The following ANKRD16 variants were observed in gnomAD, a reference collection of about 807,000 sequenced individuals.
ANKRD16 encodes ankyrin repeat domain 16.
Under a neutral mutation model 37.9 loss-of-function variants are expected in ANKRD16, and 35 were observed. That is an observed-to-expected ratio of 0.92 (90% CI 0.71 to 1.23). The LOEUF (loss-of-function observed/expected upper bound fraction) is 1.23, where lower values mean the gene tolerates loss of function less well. Among genes scored for constraint, ANKRD16 ranks in the 50% most tolerant of loss-of-function variants. The pLI, the probability that ANKRD16 is intolerant of heterozygous loss-of-function variation, is 0.00. For missense variants in ANKRD16, 480 were observed against 469.9 expected (o/e 1.02, Z -0.20); for synonymous variants, 206 against 197.2 (o/e 1.04, Z -0.37).
At chr10:5,888,616 G>A (rs6602322) in intron 1 of ANKRD16, among the ~76,000 whole-genome samples, 78,169 of 152,168 alleles carry the variant, frequency 0.51, 21,885 homozygotes, top group African/African-American at 0.73. Context: ...CTACACACAC[G>A]AGCGCGTGTA....
intron 2 of ANKRD16, among the ~76,000 whole-genome samples, chr10:5,885,983 T>C (rs1842417257): frequency 6.6e-6 from 1 of 152,250 alleles, no homozygotes; most frequent in Non-Finnish European, 1.5e-5. Flanking sequence ...CAGCCAACAC[T>C]TGATTATCTT....
chr10:5,879,603 AT>A (rs1418989473), intron 6 of ANKRD16, among the ~76,000 whole-genome samples: 4 of 152,352 alleles, frequency 2.6e-5, no homozygotes, highest in Admixed American at 2.0e-4. Context: ...AATAAAAAAA[AT>A]CATAATGAAT....
chr10:5,862,779 G>A lies in ANKRD16; in HGVS notation c.*34-88C>T. 7.6e-6 allele frequency: 7 copies of A among 921,282 alleles called. No individual in the cohort carries two copies. Among genetic ancestry groups the A allele is most frequent in the Non-Finnish European group, 9.2e-6 (6 of 653,890 alleles). 57.1% of individuals were successfully genotyped at this position (921,282 alleles called of 1,614,324 possible). On this transcript the variant is annotated intron_variant, in intron 7 of 7. Transcript: ENST00000380094. The surrounding 1 kb of genome is among the most constrained non-coding windows in gnomAD (Gnocchi z 6.5). ...GCAGCTAGCACAAGGTCCCACAGCT[G>A]GACTCAGGGCTGCTGGCTACAGGGC...
rs1589011517 is a variant in ANKRD16, at chr10:5,864,774, GAAGGA to G, written c.*34-2088_*34-2084del. ...TAAACATCTGCTGATCTGTGTTCTA[GAAGGA>G]CAAAGGAGAATTAGGAAAAAGCCTG... On this transcript the variant is annotated intron_variant, in intron 7 of 7. Coordinates refer to ENST00000380094, the MANE Select transcript of ANKRD16 (RefSeq NM_019046.3). This position sits in a 1 kb window ranked among gnomAD's most constrained non-coding sequence, Gnocchi z 4.4. Among the ~76,000 whole-genome samples, 1 of 152,128 alleles carries G rather than the reference GAAGGA, an allele frequency of 6.6e-6. No individual in the cohort carries two copies. The highest frequency in any genetic ancestry group is 1.9e-4 in the East Asian group (1 of 5,198).
rs1258391814 is a variant in ANKRD16 at position 5,878,870 on chromosome 10, A to G, written c.929-583T>C. On this transcript the variant is annotated intron_variant, in intron 6 of 7. Coordinates refer to ENST00000380094, the MANE Select transcript of ANKRD16 (RefSeq NM_019046.3). The surrounding 1 kb of genome is among the most constrained non-coding windows in gnomAD (Gnocchi z 5.1). ...ACAAGATATAGGATACATCCTCTTC[A>G]TACGCCTGAATGCTCTGGAAACACA... 6.6e-6 allele frequency among the ~76,000 whole-genome samples: 1 copy of G among 152,204 alleles called. No individual in the cohort carries two copies. The highest frequency in any genetic ancestry group is 2.4e-5 in the African/African-American group (1 of 41,450).
At chr10:5,875,497 GA>G (rs896761712) in intron 7 of ANKRD16, among the ~76,000 whole-genome samples, 16 of 152,280 alleles carry the variant, frequency 1.1e-4, no homozygotes, top group African/African-American at 3.9e-4. Flanking sequence ...AAATGTTGAA[GA>G]AAAGGACACA....
rs912933367 is a variant in ANKRD16, at chr10:5,866,978, CAAAG to C, written c.*34-4291_*34-4288del. Among the ~76,000 whole-genome samples, 23 of 151,888 alleles carry C rather than the reference CAAAG, an allele frequency of 1.5e-4. 1 individual carries two copies. The highest frequency in any genetic ancestry group is 5.1e-4 in the African/African-American group (21 of 41,388). ...AGGGAGTCAGAAGGAGAGAGAAAGA[CAAAG>C]AAGAAGTCAAAGAGAAAGAAAGAGA... On this transcript the variant is annotated intron_variant, in intron 7 of 7. Coordinates refer to ENST00000380094, the MANE Select transcript of ANKRD16 (RefSeq NM_019046.3). The surrounding 1 kb of genome is among the most constrained non-coding windows in gnomAD (Gnocchi z 4.3).
chr10:5,875,606 T>C (rs1034393418), intron 7 of ANKRD16, among the ~76,000 whole-genome samples: 6 of 152,056 alleles, frequency 3.9e-5, no homozygotes, highest in Non-Finnish European at 7.3e-5. Context: ...TAGGGAGTAA[T>C]AGAAAAATAT....
chr10:5,871,111 G>C lies in ANKRD16; in HGVS notation c.*33+6986C>G, dbSNP rs369942633. Among the ~76,000 whole-genome samples, 40 of 152,310 alleles carry C rather than the reference G, an allele frequency of 2.6e-4. No individual in the cohort carries two copies. The highest frequency in any genetic ancestry group is 3.4e-3 in the Middle Eastern group (1 of 294). Reference sequence around the variant, plus strand: ...AGTAAAAATCATGTCACGCAGCCAGGCTTGGTGGTTCACGCCTGTAATCCC... The same window carrying C: ...AGTAAAAATCATGTCACGCAGCCAGCCTTGGTGGTTCACGCCTGTAATCCC... On this transcript the variant is annotated intron_variant, in intron 7 of 7. Coordinates refer to ENST00000380094, the MANE Select transcript of ANKRD16 (RefSeq NM_019046.3). This position sits in a 1 kb window ranked among gnomAD's most constrained non-coding sequence, Gnocchi z 4.5.
intron 7 of ANKRD16, among the ~76,000 whole-genome samples, chr10:5,873,827 T>C (rs561792382): frequency 6.6e-6 from 1 of 152,260 alleles, no homozygotes; most frequent in South Asian, 2.1e-4. Flanking sequence ...TTTTTGGTAA[T>C]ATATGTTAGG....
At position 5,877,388 on chromosome 10, in the gene ANKRD16, C is replaced by T. The variant is rs556037220; in HGVS notation, c.*33+709G>A. 2.6e-5 allele frequency among the ~76,000 whole-genome samples: 4 copies of T among 152,388 alleles called. No individual in the cohort carries two copies. The South Asian group carries it at 6.2e-4, about 24-fold the overall frequency. On this transcript the variant is annotated intron_variant, in intron 7 of 7. Coordinates refer to ENST00000380094, the MANE Select transcript of ANKRD16 (RefSeq NM_019046.3). ...TCAGCCTCCCAAAGTGCTGGGATTA[C>T]AGGCACGGGCCACCATGCCCGGTCC...
At chr10:5,876,711 G>A (rs1216659237) in intron 7 of ANKRD16, among the ~76,000 whole-genome samples, 1 of 152,176 alleles carries the variant, frequency 6.6e-6, no homozygotes, top group African/African-American at 2.4e-5. Context: ...GTGCCAAACC[G>A]AGCCCAACGC....
At position 5,880,832 on chromosome 10, in the gene ANKRD16, A is replaced by C. The variant is rs534261340; in HGVS notation, c.850-456T>G. 3.9e-5 allele frequency among the ~76,000 whole-genome samples: 6 copies of C among 152,362 alleles called. No homozygotes were observed. The East Asian group carries it at 9.6e-4, about 24-fold the overall frequency. ...TCAGCTTAATTTTTTTTCTTTTGGC[A>C]GAGTGAGTTGGGGGTCTTACGTTTT... On this transcript the variant is annotated intron_variant, in intron 5 of 7. Coordinates refer to ENST00000380094, the MANE Select transcript of ANKRD16 (RefSeq NM_019046.3).
Position 5,863,538 on chromosome 10 carries a change from C to G in ANKRD16, c.*34-847G>C, listed in dbSNP as rs1289859014. 1.3e-5 allele frequency among the ~76,000 whole-genome samples: 2 copies of G among 152,090 alleles called. No individual in the cohort carries two copies. The highest frequency in any genetic ancestry group is 2.4e-5 in the African/African-American group (1 of 41,398). On this transcript the variant is annotated intron_variant, in intron 7 of 7. Coordinates refer to ENST00000380094, the MANE Select transcript of ANKRD16 (RefSeq NM_019046.3). This position sits in a 1 kb window ranked among gnomAD's most constrained non-coding sequence, Gnocchi z 4.7. Reference sequence around the variant, plus strand: ...ACCAATCAGCACTCTGTAAAATGGACCAATCAGCAGGACGTGGGCGGGGAC... The same window carrying G: ...ACCAATCAGCACTCTGTAAAATGGAGCAATCAGCAGGACGTGGGCGGGGAC...
At chr10:5,888,891 G>T in intron 1 of ANKRD16, 150 bp downstream of exon 1, 3 of 781,294 alleles carry the variant, frequency 3.8e-6, no homozygotes, top group Non-Finnish European at 5.6e-6. Context: ...AGGGAAAGTT[G>T]GGCAGGAGGT....
chr10:5,885,745 C>A lies in ANKRD16; in HGVS notation c.556G>T (p.Ala186Ser), dbSNP rs1564419629. 1 of 1,606,914 alleles carries A rather than the reference C, an allele frequency of 6.2e-7. No individual in the cohort carries two copies. The highest frequency in any genetic ancestry group is 1.1e-5 in the South Asian group (1 of 88,900). Residue 186 changes from alanine to serine, a missense_variant, in exon 3 of 8, where the codon GCA becomes TCA. Coordinates refer to ENST00000380094, the MANE Select transcript of ANKRD16 (RefSeq NM_019046.3). ...HTAAMHGHLE[A>S]VKVLLKRCQY... Reference sequence around the variant, plus strand: ...TACCTCTTAAGAAGCACCTTGACTGCCTCCAAATGGCCATGCATTGCTGGG... The same window carrying A: ...TACCTCTTAAGAAGCACCTTGACTGACTCCAAATGGCCATGCATTGCTGGG...
rs1841992828 is a variant in ANKRD16, at chr10:5,864,917, A to T, written c.*34-2226T>A. ...AATATACTCCCCTGTCGCCCGACTC[A>T]CTCGAGGGTCAATTGATCCTAAAAG... is the stretch of plus-strand genomic sequence containing the variant. On this transcript the variant is annotated intron_variant, in intron 7 of 7. Coordinates refer to ENST00000380094, the MANE Select transcript of ANKRD16 (RefSeq NM_019046.3). The surrounding 1 kb of genome is among the most constrained non-coding windows in gnomAD (Gnocchi z 4.4). Among the ~76,000 whole-genome samples the T allele has an allele frequency of 6.6e-6, 1 of 152,146 alleles. No individual in the cohort carries two copies. Among genetic ancestry groups the T allele is most frequent in the South Asian group, 2.1e-4 (1 of 4,836 alleles).
intron 7 of ANKRD16, among the ~76,000 whole-genome samples, chr10:5,867,693 T>C (rs1359243875): frequency 1.3e-5 from 2 of 152,210 alleles, no homozygotes; most frequent in Non-Finnish European, 2.9e-5. Flanking sequence ...CATCCACTAA[T>C]ACCCCTACTT....
Position 5,878,394 on chromosome 10 carries a change from C to T in ANKRD16, c.929-107G>A. 6.8e-6 allele frequency: 7 copies of T among 1,036,272 alleles called. No individual in the cohort carries two copies. In the South Asian group the frequency reaches 9.1e-5, roughly 13 times the overall value. The allele number at this position is 1,036,272 out of a possible 1,614,324, so 64.2% of individuals were successfully genotyped here. A position where few individuals can be genotyped will look rare whatever the true frequency, so the allele number is the denominator to read the frequency against. On this transcript the variant is annotated intron_variant, in intron 6 of 7. Coordinates refer to ENST00000380094, the MANE Select transcript of ANKRD16 (RefSeq NM_019046.3). The surrounding 1 kb of genome is among the most constrained non-coding windows in gnomAD (Gnocchi z 5.1). The stretch of plus-strand genomic sequence containing the variant: ...AAAATATCAATTCTTTCAATATCTT[C>T]CGTAATCCATCTTCACAACTTCACC...
Sources: allele counts gnomAD v4.1 joint callset (sites outside exome capture counted in the v4.1 genomes callset), GRCh38; gene constraint gnomAD v4.1.1; non-coding constraint Gnocchi (gnomAD v3.1); transcripts MANE v1.5; gene names NCBI Gene and HGNC (gene_info 2026-07-23, HGNC 2026-07-21).